ACTN4: variants seen among roughly 807,000 people sequenced by gnomAD.
ACTN4 encodes the protein actinin alpha 4.
In ACTN4, 18 loss-of-function variants were observed where a neutral mutation model predicts 114.2. That is an observed-to-expected ratio of 0.16 (90% CI 0.11 to 0.23). The LOEUF is 0.23. Among genes scored for constraint, ACTN4 ranks in the 10% least tolerant of loss-of-function variants. ACTN4 has a pLI of 1.00. For synonymous variants in ACTN4, 515 were observed against 506.3 expected (o/e 1.02, Z -0.23); for missense variants, 722 against 1,262.9 (o/e 0.57, Z 6.49).
At chr19:38,668,160 A>G (rs542814137) in intron 1 of ACTN4, among the ~76,000 whole-genome samples, 1 of 152,340 alleles carries the variant, frequency 6.6e-6, no homozygotes, top group South Asian at 2.1e-4. Flanking sequence ...CTAATGCAGG[A>G]TCAGGATACA....
chr19:38,673,037 G>A (rs563012056), intron 1 of ACTN4, among the ~76,000 whole-genome samples: 7 of 151,380 alleles, frequency 4.6e-5, no homozygotes, highest in African/African-American at 1.7e-4. Flanking sequence ...CTGCCTCCTG[G>A]GTTCAAGCGA....
At chr19:38,691,438 C>T (rs1172614535) in intron 1 of ACTN4, among the ~76,000 whole-genome samples, 1 of 148,708 alleles carries the variant, frequency 6.7e-6, no homozygotes, top group Non-Finnish European at 1.5e-5. Context: ...AAAAAAAACC[C>T]AACAACGCAG....
intron 3 of ACTN4, among the ~76,000 whole-genome samples, chr19:38,702,375 T>C (rs1479656652): frequency 6.6e-6 from 1 of 152,164 alleles, no homozygotes; most frequent in Admixed American, 6.5e-5. Flanking sequence ...CCCCTGTCCT[T>C]CCACATGATT....
At chr19:38,688,392 A>G (rs1967813884) in intron 1 of ACTN4, among the ~76,000 whole-genome samples, 1 of 132,024 alleles carries the variant, frequency 7.6e-6, no homozygotes, top group Admixed American at 7.6e-5. Context: ...GTCTCTACCA[A>G]AAAAAAAAAA....
chr19:38,659,699 C>A (rs1192615318), intron 1 of ACTN4, among the ~76,000 whole-genome samples: 1 of 152,180 alleles, frequency 6.6e-6, no homozygotes, highest in Non-Finnish European at 1.5e-5. Flanking sequence ...TAGGAGACAA[C>A]TTTCTTGCCT....
chr19:38,673,577 TCATA>T (rs1967236298), intron 1 of ACTN4, among the ~76,000 whole-genome samples: 4 of 49,820 alleles, frequency 8.0e-5, no homozygotes, highest in Non-Finnish European at 1.4e-4. Flanking sequence ...TTATATATAT[TCATA>T]TATATTTATA....
At chr19:38,693,941 C>T (rs141250352) in intron 1 of ACTN4, among the ~76,000 whole-genome samples, 85 of 152,370 alleles carry the variant, frequency 5.6e-4, no homozygotes, top group African/African-American at 2.0e-3. Context: ...ACCCCCCTTC[C>T]CCGCACTCAC....
intron 1 of ACTN4, among the ~76,000 whole-genome samples, chr19:38,678,697 G>C (rs1398066058): frequency 6.6e-6 from 1 of 152,142 alleles, no homozygotes; most frequent in Non-Finnish European, 1.5e-5. Context: ...GCTTGGGCTT[G>C]GGCTTTGTCT....
intron 1 of ACTN4, among the ~76,000 whole-genome samples, chr19:38,681,344 T>C (rs1428176353): frequency 6.6e-6 from 1 of 151,960 alleles, no homozygotes; most frequent in African/African-American, 2.4e-5. Context: ...CTGGTTTGGA[T>C]TGAGGCTCCC....
intron 1 of ACTN4, among the ~76,000 whole-genome samples, chr19:38,667,549 A>G (rs1227976795): frequency 2.6e-5 from 4 of 152,038 alleles, no homozygotes; most frequent in Admixed American, 6.6e-5. Context: ...TTTTTGAGCC[A>G]TTCCCTATTT....
In ACTN4 at chr19:38,731,171, A is replaced by C. The variant is rs1480002668; in HGVS notation, c.*1739A>C. The C allele has an allele frequency of 1.2e-6, 2 of 1,613,068 alleles. No individual in the cohort carries two copies. The highest frequency in any genetic ancestry group is 4.5e-5 in the East Asian group (2 of 44,890). Reference sequence around the variant, plus strand: ...GCTCGAAGTCCACACGCAGACGGCTATCCCGGTAGCGGCTGGTGAGGGTCT... The same window carrying C: ...GCTCGAAGTCCACACGCAGACGGCTCTCCCGGTAGCGGCTGGTGAGGGTCT... On this transcript the variant is annotated 3_prime_UTR_variant, in exon 21 of 21. Coordinates refer to ENST00000252699, the MANE Select transcript of ACTN4 (RefSeq NM_004924.6).
rs74176458 is a variant in ACTN4 at position 38,730,090 on chromosome 19, CA to C, written c.*670del. ...CACGTGTCTCAGATTTTCTAAGAAC[CA>C]AAAAAAAAAAAGGAAAAAAAACACA... is the stretch of plus-strand genomic sequence containing the variant. On this transcript the variant is annotated 3_prime_UTR_variant, in exon 21 of 21. Transcript: ENST00000252699. 10,186 of 54,888 alleles carry C rather than the reference CA, an allele frequency of 0.19. 325 individuals carry two copies. The highest frequency in any genetic ancestry group is 0.23 in the Non-Finnish European group (6,042 of 26,100). 3.4% of individuals were successfully genotyped at this position (54,888 alleles called of 1,614,324 possible). A position where few individuals can be genotyped will look rare whatever the true frequency, so the allele number is the denominator to read the frequency against.
intron 1 of ACTN4, among the ~76,000 whole-genome samples, chr19:38,685,654 C>T (rs112773104): frequency 1.3e-5 from 2 of 152,030 alleles, no homozygotes; most frequent in Non-Finnish European, 2.9e-5. Flanking sequence ...CCGCAGGGAC[C>T]GAGTATGCAT....
intron 1 of ACTN4, among the ~76,000 whole-genome samples, chr19:38,680,853 C>T (rs151165521): frequency 0.014 from 2,157 of 152,116 alleles, 58 homozygotes; most frequent in African/African-American, 0.048. Flanking sequence ...TGGCCGGGTG[C>T]GGTGGCTCAC....
intron 1 of ACTN4, among the ~76,000 whole-genome samples, chr19:38,680,589 C>T (rs1967533517): frequency 6.6e-6 from 1 of 152,156 alleles, no homozygotes; most frequent in Non-Finnish European, 1.5e-5. Context: ...TTGTGCAGTA[C>T]GTACTTCAGT....
intron 1 of ACTN4, among the ~76,000 whole-genome samples, chr19:38,659,186 G>A (rs1006746138): frequency 2.0e-5 from 3 of 149,730 alleles, no homozygotes; most frequent in African/African-American, 4.9e-5. Context: ...TTAGGCTCCC[G>A]AGTAGCTGGG....
At chr19:38,694,901 G>A (rs1217651541) in intron 1 of ACTN4, among the ~76,000 whole-genome samples, 1 of 152,156 alleles carries the variant, frequency 6.6e-6, no homozygotes, top group Non-Finnish European at 1.5e-5. Flanking sequence ...TTGAGACAGG[G>A]TCTGGCTCTG....
At chr19:38,654,527 A>G (rs936157036) in intron 1 of ACTN4, among the ~76,000 whole-genome samples, 3 of 149,680 alleles carry the variant, frequency 2.0e-5, no homozygotes, top group Non-Finnish European at 4.4e-5. Context: ...ACGCCACTGC[A>G]CTCCAGCCTG....
intron 9 of ACTN4, 83 bp downstream of exon 9, chr19:38,714,644 G>A: frequency 2.1e-6 from 3 of 1,422,218 alleles, no homozygotes; most frequent in Non-Finnish European, 2.0e-6. Context: ...GGGAAAGCAG[G>A]TGTGGCAGCG....
Sources: gnomAD v4.1 joint callset for allele counts (sites outside exome capture counted in the v4.1 genomes callset) on GRCh38, gnomAD v4.1.1 for gene constraint, MANE v1.5 for transcripts, NCBI Gene and HGNC (gene_info 2026-07-23, HGNC 2026-07-21) for gene names.